The following WWOX variants were observed in gnomAD, a reference collection of about 807,000 sequenced individuals.
WWOX encodes WW domain-containing oxidoreductase.
WWOX carries 69 observed loss-of-function variants against 46.2 expected under a neutral mutation model. That is an observed-to-expected ratio of 1.49 (90% confidence interval 1.23 to 1.82). The LOEUF (loss-of-function observed/expected upper bound fraction) is 1.82. Ranked by LOEUF, WWOX falls within the 40% of genes most tolerant of loss-of-function variation. The pLI, the probability that WWOX is intolerant of heterozygous loss-of-function variation, is 0.00. For missense variants in WWOX, 919 were observed against 542.6 expected (o/e 1.69, Z -6.89); for synonymous variants, 359 against 202.6 (o/e 1.77, Z -6.56).
intron 8 of WWOX, among the ~76,000 whole-genome samples, chr16:78,985,910 C>G (rs777335239): frequency 3.3e-5 from 5 of 152,240 alleles, no homozygotes; most frequent in African/African-American, 4.8e-5. Context: ...GCCAGGATCC[C>G]TCTCATACAA....
chr16:78,621,785 T>G (rs2046195859), intron 8 of WWOX, among the ~76,000 whole-genome samples: 2 of 151,718 alleles, frequency 1.3e-5, no homozygotes, highest in Admixed American at 1.3e-4. Flanking sequence ...TTTGTATTTT[T>G]TAGTAAAGAT....
intron 5 of WWOX, among the ~76,000 whole-genome samples, chr16:78,356,738 C>T (rs868134820): frequency 1.3e-5 from 2 of 151,986 alleles, no homozygotes; most frequent in Non-Finnish European, 2.9e-5. Flanking sequence ...AAAAATTAGC[C>T]GGGCATAGTG....
intron 7 of WWOX, among the ~76,000 whole-genome samples, chr16:78,428,713 A>G (rs926472811): frequency 2.6e-5 from 4 of 152,194 alleles, no homozygotes; most frequent in Admixed American, 1.3e-4. Flanking sequence ...TATTCTTAAC[A>G]GTAGAAAATC....
intron 8 of WWOX, among the ~76,000 whole-genome samples, chr16:79,082,217 G>A (rs865924229): frequency 2.0e-5 from 3 of 152,194 alleles, no homozygotes; most frequent in Non-Finnish European, 2.9e-5. Flanking sequence ...AAAATTAAAA[G>A]CAATATTAAT....
intron 8 of WWOX, among the ~76,000 whole-genome samples, chr16:78,927,008 C>G (rs2045513681): frequency 1.3e-5 from 2 of 152,128 alleles, no homozygotes; most frequent in South Asian, 4.1e-4. Flanking sequence ...GTTTCCCAGG[C>G]TGGTTTTAAA....
intron 6 of WWOX, among the ~76,000 whole-genome samples, chr16:78,410,547 C>G (rs2082655363): frequency 6.6e-6 from 1 of 152,022 alleles, no homozygotes; most frequent in Non-Finnish European, 1.5e-5. Flanking sequence ...TGGTGGCTCA[C>G]TCCTGTTATC....
chr16:79,113,915 T>G (rs2049462591), intron 8 of WWOX, among the ~76,000 whole-genome samples: 3 of 152,160 alleles, frequency 2.0e-5, no homozygotes, highest in African/African-American at 7.2e-5. Flanking sequence ...TGAATCGGAG[T>G]AGCAGGGCTG....
intron 8 of WWOX, among the ~76,000 whole-genome samples, chr16:78,911,136 C>T (rs1361639670): frequency 6.6e-6 from 1 of 152,002 alleles, no homozygotes; most frequent in Non-Finnish European, 1.5e-5. Context: ...GTCTGCTTGT[C>T]TTCCTAGGCC....
intron 8 of WWOX, among the ~76,000 whole-genome samples, chr16:79,031,061 C>G (rs1399697297): frequency 2.0e-5 from 3 of 149,300 alleles, no homozygotes; most frequent in Non-Finnish European, 4.4e-5. Context: ...TCACTGCACT[C>G]CAGCCTGGAC....
intron 8 of WWOX, among the ~76,000 whole-genome samples, chr16:78,922,232 T>C (rs567128741): frequency 6.6e-5 from 10 of 152,248 alleles, no homozygotes; most frequent in African/African-American, 2.2e-4. Context: ...GTTGGTCCTT[T>C]AAGAATGGTT....
At chr16:78,427,169 C>G (rs1404126957) in intron 7 of WWOX, among the ~76,000 whole-genome samples, 2 of 152,166 alleles carry the variant, frequency 1.3e-5, no homozygotes, top group Non-Finnish European at 2.9e-5. Flanking sequence ...CTAATTACCT[C>G]CATCAACCTT....
intron 5 of WWOX, among the ~76,000 whole-genome samples, chr16:78,369,460 A>AG (rs2151919875): frequency 6.6e-6 from 1 of 152,294 alleles, no homozygotes; most frequent in African/African-American, 2.4e-5. Context: ...TTAAGAATGA[A>AG]GGGGTATGCA....
At chr16:78,841,298 A>G (rs138336924) in intron 8 of WWOX, among the ~76,000 whole-genome samples, 42 of 152,330 alleles carry the variant, frequency 2.8e-4, no homozygotes, top group Middle Eastern at 3.4e-3. Context: ...TTGAGTCACC[A>G]TAATGTGATC....
At chr16:78,426,305 C>T (rs537064367) in intron 7 of WWOX, among the ~76,000 whole-genome samples, 42 of 152,238 alleles carry the variant, frequency 2.8e-4, no homozygotes, top group Non-Finnish European at 5.9e-4. Flanking sequence ...CTGCCAGCCC[C>T]AGTCATCCAC....
Position 78,145,934 on chromosome 16 carries a change from G to A in WWOX, c.410-18249G>A, listed in dbSNP as rs570244085. The A allele has an allele frequency of 2.0e-5, 3 of 152,264 alleles. No homozygotes were observed. The South Asian group carries it at 6.2e-4, about 32-fold the overall frequency. The allele number at this position is 152,264 out of a possible 1,614,324, so 9.4% of individuals were successfully genotyped here. ...GGGAGCAGTTCAGCTCGTGAGAATC[G>A]TAAGATTCCTGATCTGTTTCTCTTC... On this transcript the variant is annotated intron_variant, in intron 4 of 8. Transcript: ENST00000566780.
At chr16:78,693,831 ATTAT>A (rs1320278629) in intron 8 of WWOX, among the ~76,000 whole-genome samples, 8 of 152,154 alleles carry the variant, frequency 5.3e-5, no homozygotes, top group Non-Finnish European at 1.0e-4. Flanking sequence ...CTTGTAAATT[ATTAT>A]TTAAGCTGTG....
chr16:78,171,909 G>C (rs971376694), intron 5 of WWOX, among the ~76,000 whole-genome samples: 38 of 152,184 alleles, frequency 2.5e-4, no homozygotes, highest in African/African-American at 8.7e-4. Flanking sequence ...ACCTGCAGGT[G>C]GGGGGTTGGA....
chr16:78,667,145 C>T (rs1463808193), intron 8 of WWOX, among the ~76,000 whole-genome samples: 1 of 152,182 alleles, frequency 6.6e-6, no homozygotes, highest in African/African-American at 2.4e-5. Context: ...CTCCTCTCCA[C>T]ACCACTTTAT....
chr16:78,734,539 C>G (rs920609006), intron 8 of WWOX, among the ~76,000 whole-genome samples: 1 of 152,100 alleles, frequency 6.6e-6, no homozygotes, highest in African/African-American at 2.4e-5. Flanking sequence ...GACCTTGGAC[C>G]TCACTGAACT....
Sources: allele counts gnomAD v4.1 joint callset (sites outside exome capture counted in the v4.1 genomes callset), GRCh38; gene constraint gnomAD v4.1.1; transcripts MANE v1.5; gene names NCBI Gene and HGNC (gene_info 2026-07-23, HGNC 2026-07-21).